The following SLC35A1 variants were observed in gnomAD, a reference collection of about 807,000 sequenced individuals.
SLC35A1 encodes CMP-sialic acid transporter.
A neutral mutation model predicts 40.3 loss-of-function variants in SLC35A1; 21 were observed. The observed-to-expected ratio is 0.52, with a 90% CI of 0.37 to 0.75. SLC35A1 has a LOEUF of 0.75. Among genes scored for constraint, SLC35A1 ranks in the 30% least tolerant of loss-of-function variants. The pLI is 0.00. For synonymous variants in SLC35A1, 146 were observed against 147.3 expected, an observed-to-expected ratio of 0.99 and a Z score of 0.06; for missense variants, 297 against 382.1, an observed-to-expected ratio of 0.78 and a Z score of 1.86.
At chr6:87,483,869 C>G (rs1769316764) in intron 2 of SLC35A1, among the ~76,000 whole-genome samples, 1 of 152,172 alleles carries the variant, frequency 6.6e-6, no homozygotes, top group South Asian at 2.1e-4. Context: ...TGTTGGCGTG[C>G]TGGTATAAAT....
Position 87,511,606 on chromosome 6 carries a change from C to T in SLC35A1, c.*80C>T, listed in dbSNP as rs1770278864. 6 of 1,467,664 alleles carry T rather than the reference C, an allele frequency of 4.1e-6. No homozygotes were observed. The highest frequency in any genetic ancestry group is 1.7e-4 in the Middle Eastern group (1 of 5,780). The allele number at this position is 1,467,664 out of a possible 1,614,324, so 90.9% of individuals were successfully genotyped here. ...GCCTTAAGTCAATCTCAGAAGGTAG[C>T]ATAAACAAATAAAAATTAACTGTAT... On this transcript the variant is annotated 3_prime_UTR_variant, in exon 8 of 8. Coordinates refer to ENST00000369552, the MANE Select transcript of SLC35A1 (RefSeq NM_006416.5).
chr6:87,499,187 G>A, intron 2 of SLC35A1: 2 of 874,612 alleles, frequency 2.3e-6, no homozygotes. Flanking sequence ...TTAATATAAT[G>A]GACTTTTGCT....
intron 2 of SLC35A1, among the ~76,000 whole-genome samples, chr6:87,479,550 C>T (rs1436294726): frequency 6.6e-6 from 1 of 152,202 alleles, no homozygotes; most frequent in Admixed American, 6.5e-5. Flanking sequence ...CTTGCAATGC[C>T]TTTGTTATAC....
intron 2 of SLC35A1, among the ~76,000 whole-genome samples, chr6:87,481,694 A>G (rs982446150): frequency 6.6e-6 from 1 of 152,184 alleles, no homozygotes; most frequent in East Asian, 1.9e-4. Context: ...GTCTGACCAT[A>G]AGGTAAGATT....
At chr6:87,482,547 A>C (rs537543696) in intron 2 of SLC35A1, among the ~76,000 whole-genome samples, 1 of 152,142 alleles carries the variant, frequency 6.6e-6, no homozygotes, top group Non-Finnish European at 1.5e-5. Context: ...CTATTAGGCA[A>C]TTTTCCTAAC....
chr6:87,483,865 C>T (rs1024432248), intron 2 of SLC35A1, among the ~76,000 whole-genome samples: 18 of 152,130 alleles, frequency 1.2e-4, no homozygotes, highest in South Asian at 4.1e-4. Context: ...TTAGTGTTGG[C>T]GTGCTGGTAT....
At chr6:87,506,230 TGTTTA>T (rs1770077958) in intron 4 of SLC35A1, 147 bp from the exon 5 acceptor site, 3 of 653,148 alleles carry the variant, frequency 4.6e-6, no homozygotes, top group Middle Eastern at 4.1e-4. Context: ...ATGGTCTTTT[TGTTTA>T]GTTGTCTTAT....
intron 5 of SLC35A1, chr6:87,507,083 TAAAA>T (rs1314050522): frequency 6.6e-6 from 1 of 152,362 alleles, no homozygotes; most frequent in Non-Finnish European, 1.5e-5. Context: ...AAGTGTAACA[TAAAA>T]AAAGTTTTAG....
chr6:87,501,146 T>C lies in SLC35A1; in HGVS notation c.355-12T>C. ...ATTAACTGAATTTATTAATTCATTC[T>C]CTTTTTTTTAGGTGACCTACCAGTT... is the stretch of plus-strand genomic sequence containing the variant. On this transcript the variant is annotated splice_polypyrimidine_tract_variant and intron_variant, in intron 3 of 7. Coordinates refer to ENST00000369552, the MANE Select transcript of SLC35A1 (RefSeq NM_006416.5). The C allele has an allele frequency of 1.2e-6, 2 of 1,602,314 alleles. No individual in the cohort carries two copies. Among genetic ancestry groups the C allele is most frequent in the Non-Finnish European group, 1.7e-6 (2 of 1,169,234 alleles).
chr6:87,479,014 G>A (rs1297902792), intron 2 of SLC35A1, among the ~76,000 whole-genome samples: 1 of 152,194 alleles, frequency 6.6e-6, no homozygotes, highest in African/African-American at 2.4e-5. Flanking sequence ...GGGATGAGTG[G>A]TTTGGCGGGA....
chr6:87,501,031 T>C, intron 3 of SLC35A1, 127 bp from the exon 4 acceptor site: 3 of 926,054 alleles, frequency 3.2e-6, no homozygotes, highest in Non-Finnish European at 5.0e-6. Flanking sequence ...ATTACAGGTG[T>C]GAGCCACCGT....
intron 1 of SLC35A1, among the ~76,000 whole-genome samples, chr6:87,473,406 T>C (rs1768975800): frequency 6.6e-6 from 1 of 152,098 alleles, no homozygotes; most frequent in Non-Finnish European, 1.5e-5. Context: ...GCCCCGCGGC[T>C]CCGGTCTCCT....
At chr6:87,483,681 A>G (rs1475228754) in intron 2 of SLC35A1, among the ~76,000 whole-genome samples, 2 of 151,516 alleles carry the variant, frequency 1.3e-5, no homozygotes. Flanking sequence ...CAAACCAGGG[A>G]TGTCTTGCCT....
chr6:87,499,850 T>C (rs1249085416), intron 2 of SLC35A1, among the ~76,000 whole-genome samples: 1 of 152,226 alleles, frequency 6.6e-6, no homozygotes, highest in Non-Finnish European at 1.5e-5. Flanking sequence ...GTGCAGTGGC[T>C]CACGCCTGTA....
In SLC35A1 at chr6:87,512,259, T is replaced by G. The variant is rs1223862661; in HGVS notation, c.*733T>G. The G allele has an allele frequency of 6.5e-6, 1 of 152,708 alleles. No homozygotes were observed. The highest frequency in any genetic ancestry group is 2.4e-5 in the African/African-American group (1 of 41,478). The allele number at this position is 152,708 out of a possible 1,614,324, so 9.5% of individuals were successfully genotyped here. ...AATAAAGTATGTTTAACTGTTGGGC[T>G]CTCAATAATTTGTGAAATTTCAGTG... On this transcript the variant is annotated 3_prime_UTR_variant, in exon 8 of 8. Transcript: ENST00000369552.
intron 2 of SLC35A1, among the ~76,000 whole-genome samples, chr6:87,480,384 G>T (rs1429702439): frequency 6.6e-6 from 1 of 152,204 alleles, no homozygotes; most frequent in Non-Finnish European, 1.5e-5. Flanking sequence ...AACAACCTGG[G>T]CCTCTAGCCT....
chr6:87,506,291 CTG>C (rs1770079985), intron 4 of SLC35A1, 89 bp from the exon 5 acceptor site: 1 of 970,468 alleles, frequency 1.0e-6, no homozygotes, highest in Non-Finnish European at 1.7e-6. Flanking sequence ...TTTAGTAAGA[CTG>C]TAACAGGTTT....
At chr6:87,475,064 G>A (rs1286154757) in intron 1 of SLC35A1, among the ~76,000 whole-genome samples, 1 of 152,114 alleles carries the variant, frequency 6.6e-6, no homozygotes, top group Non-Finnish European at 1.5e-5. Context: ...TAGGACATGA[G>A]ATGGCAAACT....
intron 3 of SLC35A1, 115 bp from the exon 4 acceptor site, chr6:87,501,043 C>T: frequency 4.7e-6 from 5 of 1,054,782 alleles, no homozygotes; most frequent in Non-Finnish European, 7.1e-6. Flanking sequence ...AGCCACCGTG[C>T]CCGGCCATTA....
Sources: gnomAD v4.1 joint callset for allele counts (sites outside exome capture counted in the v4.1 genomes callset) on GRCh38, gnomAD v4.1.1 for gene constraint, MANE v1.5 for transcripts, NCBI Gene and HGNC (gene_info 2026-07-23, HGNC 2026-07-21) for gene names.